MEGF11: variants seen among roughly 807,000 people sequenced by gnomAD.
The protein encoded by MEGF11 is multiple EGF like domains 11.
Under a neutral mutation model 146.6 loss-of-function variants are expected in MEGF11, and 126 were observed. That is an observed-to-expected ratio of 0.86 (90% CI 0.74 to 1.00). The LOEUF is 1.00. MEGF11 is among the 50% of genes least tolerant of loss of function. The probability of loss-of-function intolerance (pLI) is 0.00; values close to 1 mark genes in which losing one functional copy is unlikely to be tolerated. For missense variants in MEGF11, 1,509 were observed against 1,521.2 expected (o/e 0.99, Z 0.13); for synonymous variants, 532 against 583.4 (o/e 0.91, Z 1.27).
chr15:65,955,756 A>G, intron 10 of MEGF11, among the ~76,000 whole-genome samples: 1 of 19,592 alleles, frequency 5.1e-5, no homozygotes, highest in Non-Finnish European at 1.2e-4. Context: ...AAAAAAAAAA[A>G]AAAAAATATA....
intron 1 of MEGF11, among the ~76,000 whole-genome samples, chr15:66,147,780 T>A (rs2089428766): frequency 6.6e-6 from 1 of 152,232 alleles, no homozygotes. Flanking sequence ...GAGCCAGGAC[T>A]GTTCTGAGAT....
chr15:66,012,161 C>T (rs1468526315), intron 5 of MEGF11, among the ~76,000 whole-genome samples: 1 of 152,074 alleles, frequency 6.6e-6, no homozygotes, highest in Admixed American at 6.6e-5. Flanking sequence ...GAATTTGAGA[C>T]CAACCTGGGC....
intron 3 of MEGF11, among the ~76,000 whole-genome samples, chr15:66,123,650 C>T (rs1478935281): frequency 6.6e-6 from 1 of 152,082 alleles, no homozygotes; most frequent in Non-Finnish European, 1.5e-5. Flanking sequence ...GGTAGTTATC[C>T]ACCACCTCCC....
chr15:66,082,355 G>C (rs76095200), intron 5 of MEGF11, among the ~76,000 whole-genome samples: 1,830 of 142,642 alleles, frequency 0.013, 34 homozygotes, highest in African/African-American at 0.045. Context: ...GGGAGGCCTA[G>C]CAGGGGCAGA....
In MEGF11 at chr15:66,211,891, C is replaced by T. The variant is rs1490650217; in HGVS notation, c.-9+41714G>A. Among the ~76,000 whole-genome samples the T allele has an allele frequency of 3.8e-5, 3 of 78,862 alleles. No homozygotes were observed. The East Asian group carries it at 1.1e-3, about 30-fold the overall frequency. The allele number at this position is 78,862 out of a possible 152,430, so 51.7% of individuals were successfully genotyped here. ...GAGAAGTCACAGAAGAATATACTGACTCACTACCCTAAGGACCCAAATCAC... is the reference window on the plus strand; with the variant it reads ...GAGAAGTCACAGAAGAATATACTGATTCACTACCCTAAGGACCCAAATCAC... On this transcript the variant is annotated intron_variant, in intron 1 of 25. Transcript: ENST00000395614.
intron 1 of MEGF11, among the ~76,000 whole-genome samples, chr15:66,251,451 G>A (rs553969778): frequency 6.6e-5 from 10 of 152,214 alleles, no homozygotes; most frequent in Admixed American, 6.5e-4. Flanking sequence ...TGAGCCCTGT[G>A]TGCGGGCTCC....
intron 5 of MEGF11, among the ~76,000 whole-genome samples, chr15:65,990,743 AAG>A (rs2082021382): frequency 6.6e-6 from 1 of 152,150 alleles, no homozygotes; most frequent in Admixed American, 6.5e-5. Context: ...AAGAAAAAGA[AAG>A]AAACAAACAA....
At chr15:65,918,150 C>T in intron 15 of MEGF11, 56 bp from the exon 16 acceptor site, 1 of 1,604,494 alleles carries the variant, frequency 6.2e-7, no homozygotes, top group Non-Finnish European at 8.5e-7. Flanking sequence ...CTCTGACCTC[C>T]ACCCACAGCC....
intron 1 of MEGF11, among the ~76,000 whole-genome samples, chr15:66,177,683 CT>C (rs58849037): frequency 0.032 from 4,530 of 142,030 alleles, 184 homozygotes; most frequent in African/African-American, 0.099. Flanking sequence ...CCTTTTTCTT[CT>C]TTTTTTTTTT....
chr15:66,106,201 G>A (rs1433874429), intron 4 of MEGF11, among the ~76,000 whole-genome samples: 2 of 152,214 alleles, frequency 1.3e-5, no homozygotes, highest in African/African-American at 4.8e-5. Flanking sequence ...GATGGGGAAG[G>A]TGACTCTCAG....
intron 5 of MEGF11, among the ~76,000 whole-genome samples, chr15:66,018,597 G>T (rs1019968347): frequency 1.3e-5 from 2 of 152,320 alleles, no homozygotes; most frequent in African/African-American, 4.8e-5. Flanking sequence ...GTGGGAGAGG[G>T]TGTGCGTGTG....
At chr15:66,152,769 G>A (rs2089615939) in intron 1 of MEGF11, among the ~76,000 whole-genome samples, 1 of 152,226 alleles carries the variant, frequency 6.6e-6, no homozygotes, top group African/African-American at 2.4e-5. Context: ...ATGGCCGGAT[G>A]GCAGTGGGTG....
intron 18 of MEGF11, 104 bp downstream of exon 18, chr15:65,916,044 G>A: frequency 7.4e-7 from 1 of 1,360,520 alleles, no homozygotes; most frequent in Non-Finnish European, 9.7e-7. Flanking sequence ...AAGGGACCAA[G>A]GGGTACAGAG....
intron 1 of MEGF11, among the ~76,000 whole-genome samples, chr15:66,181,793 C>T (rs1426759060): frequency 6.6e-6 from 1 of 152,176 alleles, no homozygotes; most frequent in African/African-American, 2.4e-5. Flanking sequence ...GTCTCTGCCG[C>T]TTATCAGCCC....
At chr15:66,132,175 C>CT (rs2088673253) in intron 1 of MEGF11, among the ~76,000 whole-genome samples, 1 of 152,230 alleles carries the variant, frequency 6.6e-6, no homozygotes, top group African/African-American at 2.4e-5. Context: ...GCCCCTGCCT[C>CT]TGCCTAGGAC....
chr15:66,183,181 G>A (rs947858296), intron 1 of MEGF11, among the ~76,000 whole-genome samples: 3 of 152,152 alleles, frequency 2.0e-5, no homozygotes, highest in African/African-American at 7.2e-5. Flanking sequence ...GGGTGTCTGC[G>A]GGAGTGAGGA....
At chr15:65,966,063 T>G (rs558879996) in intron 8 of MEGF11, among the ~76,000 whole-genome samples, 1 of 152,210 alleles carries the variant, frequency 6.6e-6, no homozygotes, top group African/African-American at 2.4e-5. Flanking sequence ...TGGAATGGCA[T>G]GATCTTGCTG....
At chr15:66,129,294 A>G (rs918186356) in intron 1 of MEGF11, among the ~76,000 whole-genome samples, 1 of 152,192 alleles carries the variant, frequency 6.6e-6, no homozygotes, top group Non-Finnish European at 1.5e-5. Flanking sequence ...TGCCTCAGAG[A>G]ACTTCCAGTC....
chr15:66,158,779 T>C (rs1444861173), intron 1 of MEGF11, among the ~76,000 whole-genome samples: 1 of 152,230 alleles, frequency 6.6e-6, no homozygotes, highest in Non-Finnish European at 1.5e-5. Flanking sequence ...CACCTTTGGG[T>C]ACCTGAAGCC....
Sources: allele counts gnomAD v4.1 joint callset (sites outside exome capture counted in the v4.1 genomes callset), GRCh38; gene constraint gnomAD v4.1.1; transcripts MANE v1.5; gene names NCBI Gene and HGNC (gene_info 2026-07-23, HGNC 2026-07-21).